CAMSAP2: variants seen among roughly 807,000 people sequenced by gnomAD.
CAMSAP2 encodes calmodulin regulated spectrin associated protein family member 2.
Under a neutral mutation model 146.1 loss-of-function variants are expected in CAMSAP2, and 26 were observed. That is an observed-to-expected ratio of 0.18 (90% CI 0.13 to 0.25). The LOEUF (loss-of-function observed/expected upper bound fraction) is 0.25. Among genes scored for constraint, CAMSAP2 ranks in the 10% least tolerant of loss-of-function variants. CAMSAP2 has a pLI of 1.00. For synonymous variants in CAMSAP2, 499 were observed against 596.6 expected (o/e 0.84, Z 2.38); for missense variants, 1,381 against 1,759.3 (o/e 0.78, Z 3.85).
chr1:200,814,926 A>G (rs1369828941), intron 3 of CAMSAP2, among the ~76,000 whole-genome samples: 2 of 152,110 alleles, frequency 1.3e-5, no homozygotes, highest in Admixed American at 1.3e-4. Context: ...AAAATTATCT[A>G]AAGTCTTCTC....
intron 2 of CAMSAP2, among the ~76,000 whole-genome samples, chr1:200,773,748 C>T (rs938745838): frequency 6.6e-6 from 1 of 151,714 alleles, no homozygotes; most frequent in South Asian, 2.1e-4. Flanking sequence ...TGGCTTGGTG[C>T]GGTGGCTCAG....
chr1:200,801,828 T>C (rs1388176445), intron 2 of CAMSAP2, among the ~76,000 whole-genome samples: 1 of 152,202 alleles, frequency 6.6e-6, no homozygotes, highest in East Asian at 1.9e-4. Context: ...GTAGGTGGTA[T>C]CCTTGTTTTC....
Position 200,823,719 on chromosome 1 carries a change from T to C in CAMSAP2, c.645+8075T>C, listed in dbSNP as rs147752407. 2.1e-3 allele frequency among the ~76,000 whole-genome samples: 314 copies of C among 152,302 alleles called. 1 individual carries two copies. Among genetic ancestry groups the C allele is most frequent in the Non-Finnish European group, 3.3e-3 (226 of 68,022 alleles). On this transcript the variant is annotated intron_variant, in intron 4 of 16. Transcript: ENST00000358823. ...GTTTGTCAGGTTTCTCCATTATAAA[T>C]TTACTGGTTTTCCCTTCTTATTTTT...
chr1:200,780,478 T>C (rs1228095154), intron 2 of CAMSAP2, among the ~76,000 whole-genome samples: 1 of 152,238 alleles, frequency 6.6e-6, no homozygotes, highest in African/African-American at 2.4e-5. Flanking sequence ...CTTGTTCATA[T>C]ATTCAAACTT....
intron 2 of CAMSAP2, among the ~76,000 whole-genome samples, chr1:200,771,588 A>G (rs576184237): frequency 1.4e-4 from 21 of 152,262 alleles, no homozygotes; most frequent in African/African-American, 4.6e-4. Context: ...CAAATTGGGG[A>G]GGTGGATAAT....
At chr1:200,840,396 A>G (rs1400143059) in intron 6 of CAMSAP2, among the ~76,000 whole-genome samples, 1 of 152,066 alleles carries the variant, frequency 6.6e-6, no homozygotes, top group African/African-American at 2.4e-5. Flanking sequence ...TAGCCTCCCA[A>G]GCAGCTAGGA....
intron 2 of CAMSAP2, among the ~76,000 whole-genome samples, chr1:200,804,051 T>C (rs1666107240): frequency 6.6e-6 from 1 of 151,982 alleles, no homozygotes; most frequent in African/African-American, 2.4e-5. Flanking sequence ...CTCAGCCTCC[T>C]GAGTAGCTGA....
At chr1:200,826,773 C>A (rs540542807) in intron 4 of CAMSAP2, among the ~76,000 whole-genome samples, 5 of 152,092 alleles carry the variant, frequency 3.3e-5, no homozygotes, top group African/African-American at 1.2e-4. Flanking sequence ...TCTGGACTGC[C>A]TAGGTTGGCC....
intron 11 of CAMSAP2, 144 bp downstream of exon 11, chr1:200,850,378 A>T: frequency 1.5e-6 from 1 of 653,450 alleles, no homozygotes; most frequent in Non-Finnish European, 2.5e-6. Context: ...CTATAGTAAC[A>T]TTCAAGCACA....
At chr1:200,844,931 ATAT>A in intron 8 of CAMSAP2, 62 bp downstream of exon 8, 1 of 811,124 alleles carries the variant, frequency 1.2e-6, no homozygotes, top group Non-Finnish European at 1.9e-6. Flanking sequence ...AAATTACATA[ATAT>A]TATATTACAT....
In CAMSAP2 at chr1:200,853,490, C is replaced by T. The variant is rs752671404; in HGVS notation, c.3818C>T (p.Pro1273Leu). The change falls in exon 13 of 17, where the codon CCT becomes CTT. Residue 1273 changes from proline (P) to leucine (L), a missense_variant. Physicochemically the swap from Pro to Leu is moderately conservative, Grantham distance 98. This residue lies in a region of CAMSAP2 where 560 missense variants were observed against 715.9 expected (regional missense o/e 0.78). Transcript: ENST00000358823. The surrounding 1 kb of genome is among the most constrained non-coding windows in gnomAD (Gnocchi z 5.1). Reference sequence around the variant, plus strand: ...TCCCCCAAAACACCAATAAAGGGTCCTCCAGGTAACATAGCTTATTATGAA... The same window carrying T: ...TCCCCCAAAACACCAATAAAGGGTCTTCCAGGTAACATAGCTTATTATGAA... ...IESPKTPIKG[P>L]PVSSLSLASL... 5.6e-6 allele frequency: 9 copies of T among 1,604,988 alleles called. No homozygotes were observed. Among genetic ancestry groups the T allele is most frequent in the Non-Finnish European group, 7.7e-6 (9 of 1,172,738 alleles).
rs138630919 is a variant in CAMSAP2, at chr1:200,852,516, C to T, written c.3466-25C>T. ...AATATTGGTACCTAAAATGTTTGATCGTTTTCAATGAAATTCGTTCTTAGG... is the reference window on the plus strand; with the variant it reads ...AATATTGGTACCTAAAATGTTTGATTGTTTTCAATGAAATTCGTTCTTAGG... On this transcript the variant is annotated intron_variant, in intron 11 of 16. Coordinates refer to ENST00000358823, the MANE Select transcript of CAMSAP2 (RefSeq NM_203459.4). 1.6e-3 allele frequency: 2,606 copies of T among 1,597,826 alleles called. 5 individuals carry two copies. The highest frequency in any genetic ancestry group is 8.5e-3 in the Middle Eastern group (51 of 5,970).
intron 4 of CAMSAP2, among the ~76,000 whole-genome samples, chr1:200,831,564 CTT>C (rs1032389896): frequency 1.3e-5 from 2 of 151,316 alleles, no homozygotes; most frequent in African/African-American, 4.9e-5. Flanking sequence ...GGTTTCTTCT[CTT>C]TTTCTGAGGG....
intron 1 of CAMSAP2, among the ~76,000 whole-genome samples, chr1:200,742,622 A>G (rs1386880544): frequency 6.6e-6 from 1 of 152,212 alleles, no homozygotes; most frequent in African/African-American, 2.4e-5. Flanking sequence ...TTACCTAATT[A>G]TATTTAGTTG....
In CAMSAP2 at chr1:200,832,639, G is replaced by A; in HGVS notation, c.788-67G>A. 6.1e-6 allele frequency: 8 copies of A among 1,303,784 alleles called. No individual in the cohort carries two copies. Among genetic ancestry groups the A allele is most frequent in the Non-Finnish European group, 7.3e-6 (7 of 952,628 alleles). The allele number at this position is 1,303,784 out of a possible 1,614,324, so 80.8% of individuals were successfully genotyped here. A position where few individuals can be genotyped will look rare whatever the true frequency, so the allele number is the denominator to read the frequency against. Reference sequence around the variant, plus strand: ...AATTGTGTATTTGTACTAATTACAAGATGGATATGAAATATTTATTATCAA... The same window carrying A: ...AATTGTGTATTTGTACTAATTACAAAATGGATATGAAATATTTATTATCAA... On this transcript the variant is annotated intron_variant, in intron 5 of 16. Transcript: ENST00000358823. The surrounding 1 kb of genome is among the most constrained non-coding windows in gnomAD (Gnocchi z 4.2).
intron 4 of CAMSAP2, among the ~76,000 whole-genome samples, chr1:200,817,211 T>TATAAGTGTGTGTATATACACACAC (rs1415827685): frequency 3.6e-5 from 2 of 56,140 alleles, no homozygotes; most frequent in Non-Finnish European, 6.7e-5. Context: ...TATACACACA[T>TATAAGTGTGTGTATATACACACAC]ACACACATAT....
At position 200,859,991 on chromosome 1, in the gene CAMSAP2, A is replaced by G. The variant is rs1430925544; in HGVS notation, c.*1932A>G. On this transcript the variant is annotated 3_prime_UTR_variant, in exon 17 of 17. Coordinates refer to ENST00000358823, the MANE Select transcript of CAMSAP2 (RefSeq NM_203459.4). The stretch of plus-strand genomic sequence containing the variant: ...CTTTGTGATATTACTTCGCTATTAA[A>G]TAAAGAAAATTGGATGCAAGACAAT... 1 of 152,720 alleles carries G rather than the reference A, an allele frequency of 6.5e-6. No individual in the cohort carries two copies. Among genetic ancestry groups the G allele is most frequent in the African/African-American group, 2.4e-5 (1 of 41,466 alleles). The allele number at this position is 152,720 out of a possible 1,614,324, so 9.5% of individuals were successfully genotyped here.
chr1:200,763,455 C>G (rs1664854900), intron 2 of CAMSAP2, among the ~76,000 whole-genome samples: 1 of 152,088 alleles, frequency 6.6e-6, no homozygotes, highest in Admixed American at 6.5e-5. Context: ...AGGAGAATCT[C>G]TTGAACCCAG....
intron 7 of CAMSAP2, among the ~76,000 whole-genome samples, chr1:200,843,798 T>A (rs540398879): frequency 2.6e-5 from 4 of 152,212 alleles, no homozygotes; most frequent in Non-Finnish European, 5.9e-5. Context: ...TCTGAAGTTC[T>A]ATGAAAGCTT....
Sources: allele counts gnomAD v4.1 joint callset (sites outside exome capture counted in the v4.1 genomes callset), GRCh38; gene constraint gnomAD v4.1.1; regional missense constraint gnomAD v4.1.1; non-coding constraint Gnocchi (gnomAD v3.1); transcripts MANE v1.5; gene names NCBI Gene and HGNC (gene_info 2026-07-23, HGNC 2026-07-21).